The following CACNA1C variants were observed in gnomAD, a reference collection of about 807,000 sequenced individuals.
The protein encoded by CACNA1C is calcium voltage-gated channel subunit alpha1 C, also known as voltage-dependent L-type calcium channel subunit alpha-1C.
Under a neutral mutation model 229.0 loss-of-function variants are expected in CACNA1C, and 30 were observed. That is an observed-to-expected ratio of 0.13 (90% CI 0.10 to 0.18). The LOEUF is 0.18. CACNA1C is among the 10% of genes least tolerant of loss of function. The pLI is 1.00. For synonymous variants in CACNA1C, 1,114 were observed against 1,132.5 expected (o/e 0.98, Z 0.33); for missense variants, 1,658 against 2,845.0 (o/e 0.58, Z 9.49).
chr12:2,664,036 G>A (rs375331477), intron 34 of CACNA1C, among the ~76,000 whole-genome samples: 6 of 152,150 alleles, frequency 3.9e-5, no homozygotes, highest in African/African-American at 7.2e-5. Flanking sequence ...CACCGCGCCC[G>A]GCCAGAGAAT....
chr12:2,430,114 G>C (rs965945896), intron 3 of CACNA1C, among the ~76,000 whole-genome samples: 6 of 152,140 alleles, frequency 3.9e-5, no homozygotes, highest in Admixed American at 2.0e-4. Context: ...CATGGTGGAA[G>C]GGGTGAGCTA....
At chr12:2,088,307 G>A (rs910337707) in intron 1 of CACNA1C, among the ~76,000 whole-genome samples, 4 of 152,160 alleles carry the variant, frequency 2.6e-5, no homozygotes, top group African/African-American at 9.7e-5. Context: ...GGTACCCTCT[G>A]CTGGGTTGGA....
intron 3 of CACNA1C, among the ~76,000 whole-genome samples, chr12:2,368,338 A>G (rs936814915): frequency 1.3e-5 from 2 of 152,206 alleles, no homozygotes; most frequent in Non-Finnish European, 2.9e-5. Flanking sequence ...AAAGGAAGAG[A>G]GAAAATTATC....
intron 20 of CACNA1C, 36 bp downstream of exon 20, chr12:2,596,039 C>T: frequency 6.3e-7 from 1 of 1,580,838 alleles, no homozygotes; most frequent in Non-Finnish European, 8.6e-7. Flanking sequence ...CTCCTTCCCC[C>T]TGGGGCTGTG....
chr12:2,261,659 C>CTAGTA (rs2080264959), intron 3 of CACNA1C, among the ~76,000 whole-genome samples: 1 of 152,288 alleles, frequency 6.6e-6, no homozygotes, highest in South Asian at 2.1e-4. Context: ...AACATTATTA[C>CTAGTA]AAACAGCACT....
intron 6 of CACNA1C, among the ~76,000 whole-genome samples, chr12:2,490,493 C>T (rs2099718510): frequency 6.6e-6 from 1 of 152,234 alleles, no homozygotes; most frequent in African/African-American, 2.4e-5. Flanking sequence ...TTTGTCCCGT[C>T]TCTGCTGTCA....
intron 5 of CACNA1C, among the ~76,000 whole-genome samples, chr12:2,483,033 G>A (rs1454602958): frequency 6.6e-6 from 1 of 152,180 alleles, no homozygotes; most frequent in Non-Finnish European, 1.5e-5. Context: ...CCGTGCTCAC[G>A]CACGTGACTT....
chr12:2,313,797 G>T (rs964730028), intron 3 of CACNA1C, among the ~76,000 whole-genome samples: 4 of 152,158 alleles, frequency 2.6e-5, no homozygotes, highest in Non-Finnish European at 5.9e-5. Context: ...GGCAGACAGG[G>T]TTTTAGCTGA....
In CACNA1C at chr12:2,653,991, C is replaced by A; in HGVS notation, c.4140+91C>A. ...CATTCCCTAACGCCTTCCTCCCTCC[C>A]TTCTCCCTTTCATTCCTGACTGTCC... On this transcript the variant is annotated intron_variant, in intron 33 of 46. Transcript: ENST00000399655. The surrounding 1 kb of genome is among the most constrained non-coding windows in gnomAD (Gnocchi z 4.7). 2.0e-6 allele frequency: 2 copies of A among 1,022,210 alleles called. No individual in the cohort carries two copies. Among genetic ancestry groups the A allele is most frequent in the Non-Finnish European group, 3.0e-6 (2 of 666,666 alleles). The allele number at this position is 1,022,210 out of a possible 1,614,324, so 63.3% of individuals were successfully genotyped here.
At chr12:2,405,573 T>C (rs1260755859) in intron 3 of CACNA1C, among the ~76,000 whole-genome samples, 1 of 152,260 alleles carries the variant, frequency 6.6e-6, no homozygotes, top group Non-Finnish European at 1.5e-5. Context: ...TCTAGTGTTT[T>C]TGAGTATATC....
intron 3 of CACNA1C, among the ~76,000 whole-genome samples, chr12:2,245,220 G>C (rs2072577582): frequency 6.6e-6 from 1 of 152,156 alleles, no homozygotes; most frequent in African/African-American, 2.4e-5. Flanking sequence ...GTTCCTCCTA[G>C]TTGAAGACAG....
chr12:2,694,304 G>A lies in CACNA1C; in HGVS notation c.*3105G>A, dbSNP rs1419856541. The A allele has an allele frequency of 6.6e-6, 1 of 152,188 alleles. No homozygotes were observed. Among genetic ancestry groups the A allele is most frequent in the Non-Finnish European group, 1.5e-5 (1 of 68,050 alleles). 9.4% of individuals were successfully genotyped at this position (152,188 alleles called of 1,614,324 possible). A position where few individuals can be genotyped will look rare whatever the true frequency, so the allele number is the denominator to read the frequency against. On this transcript the variant is annotated 3_prime_UTR_variant, in exon 47 of 47. Transcript: ENST00000399655. ...CCACCTAAAATGGAATTTTCCCCAT[G>A]ACCTTGTAAAACATAATTGTCACAT...
chr12:2,452,118 C>A (rs1213289756), intron 4 of CACNA1C, among the ~76,000 whole-genome samples: 1 of 152,156 alleles, frequency 6.6e-6, no homozygotes, highest in East Asian at 1.9e-4. Flanking sequence ...TTTCTCCTGG[C>A]CTCCCACAAA....
At chr12:2,450,963 T>A (rs1298295164) in intron 4 of CACNA1C, among the ~76,000 whole-genome samples, 2 of 152,224 alleles carry the variant, frequency 1.3e-5, no homozygotes, top group Non-Finnish European at 2.9e-5. Context: ...TCCTTGTCTC[T>A]GGCCATCTGG....
At chr12:2,051,978 A>C (rs1279741990), upstream of CACNA1C, among the ~76,000 whole-genome samples, 1 of 152,174 alleles carries the variant, frequency 6.6e-6, no homozygotes, top group Non-Finnish European at 1.5e-5. Flanking sequence ...ATGTGGAGGC[A>C]GGTAGAGGTT....
intron 3 of CACNA1C, among the ~76,000 whole-genome samples, chr12:2,405,342 C>A (rs1210845470): frequency 6.6e-6 from 1 of 152,140 alleles, no homozygotes; most frequent in Non-Finnish European, 1.5e-5. Context: ...GTTCATGTGA[C>A]CACTGCCGCA....
chr12:1,988,824 T>C (rs769909937), intron 1 of CACNA1C, among the ~76,000 whole-genome samples: 2 of 152,226 alleles, frequency 1.3e-5, no homozygotes, highest in Non-Finnish European at 2.9e-5. Context: ...ATAGCAGTTT[T>C]TCCCAGATCC....
chr12:2,416,782 T>C (rs1296424302), intron 3 of CACNA1C, among the ~76,000 whole-genome samples: 1 of 152,216 alleles, frequency 6.6e-6, no homozygotes, highest in African/African-American at 2.4e-5. Flanking sequence ...ACAATTTCAC[T>C]TCGTTTTCAT....
chr12:2,572,452 T>TCCTCCTCCTCCTC (rs2055713452), intron 13 of CACNA1C, among the ~76,000 whole-genome samples: 1 of 8,792 alleles, frequency 1.1e-4, no homozygotes. Context: ...CCTTCTCCTC[T>TCCTCCTCCTCCTC]TCCTCCTCCT....
Sources: gnomAD v4.1 joint callset for allele counts (sites outside exome capture counted in the v4.1 genomes callset) on GRCh38, gnomAD v4.1.1 for gene constraint, Gnocchi (gnomAD v3.1) non-coding constraint, MANE v1.5 for transcripts, NCBI Gene and HGNC (gene_info 2026-07-23, HGNC 2026-07-21) for gene names.